The following MERTK variants were observed in gnomAD, a reference collection of about 807,000 sequenced individuals.
The protein encoded by MERTK is tyrosine-protein kinase Mer.
In MERTK, 69 loss-of-function variants were observed where a neutral mutation model predicts 99.3. That is an observed-to-expected ratio of 0.70 (90% CI 0.57 to 0.85). The LOEUF (loss-of-function observed/expected upper bound fraction) is 0.85. Among genes scored for constraint, MERTK ranks in the 40% least tolerant of loss-of-function variants. MERTK has a pLI of 0.00. For missense variants in MERTK, 1,125 were observed against 1,249.4 expected, an observed-to-expected ratio of 0.90 and a Z score of 1.50; for synonymous variants, 426 against 467.6, an observed-to-expected ratio of 0.91 and a Z score of 1.15.
At chr2:111,901,972 G>T (rs1347586389) in intron 1 of MERTK, among the ~76,000 whole-genome samples, 1 of 151,988 alleles carries the variant, frequency 6.6e-6, no homozygotes, top group Non-Finnish European at 1.5e-5. Flanking sequence ...GCAACTTCCC[G>T]CCTCCCGGGT....
intron 9 of MERTK, 190 bp from the exon 10 acceptor site, chr2:111,997,133 C>G: frequency 2.6e-6 from 2 of 767,992 alleles, no homozygotes; most frequent in Middle Eastern, 3.5e-4. Flanking sequence ...GTAAATCAAG[C>G]TAGTTTCCCA....
chr2:111,978,501 G>C (rs919705201), intron 7 of MERTK, among the ~76,000 whole-genome samples: 4 of 151,980 alleles, frequency 2.6e-5, no homozygotes, highest in Non-Finnish European at 1.5e-5. Context: ...TCACTATTTT[G>C]CCCAGGCTGC....
chr2:111,916,699 G>T (rs1684357344), intron 1 of MERTK, among the ~76,000 whole-genome samples: 1 of 152,010 alleles, frequency 6.6e-6, no homozygotes. Flanking sequence ...CAGAAGATTT[G>T]TCATTTTGAT....
intron 1 of MERTK, among the ~76,000 whole-genome samples, chr2:111,915,474 T>G (rs1365305476): frequency 6.6e-6 from 1 of 152,166 alleles, no homozygotes; most frequent in African/African-American, 2.4e-5. Flanking sequence ...TTTTCCTCTA[T>G]TTTAATACTA....
chr2:112,023,387 C>T (rs907685412), intron 18 of MERTK, among the ~76,000 whole-genome samples: 1 of 152,010 alleles, frequency 6.6e-6, no homozygotes, highest in African/African-American at 2.4e-5. Flanking sequence ...GCACTCCAGC[C>T]TGGGCGGCAG....
At chr2:111,997,819 A>G (rs1178541666) in intron 10 of MERTK, among the ~76,000 whole-genome samples, 1 of 152,232 alleles carries the variant, frequency 6.6e-6, no homozygotes, top group Non-Finnish European at 1.5e-5. Context: ...TGGGAGGCCA[A>G]GGCAGGCGGA....
At chr2:111,966,855 C>T (rs1685367311) in intron 5 of MERTK, among the ~76,000 whole-genome samples, 1 of 152,170 alleles carries the variant, frequency 6.6e-6, no homozygotes, top group African/African-American at 2.4e-5. Context: ...GCCCCCAGGG[C>T]ACGCTTGATA....
At chr2:112,028,166 A>G in intron 18 of MERTK, 185 bp from the exon 19 acceptor site, 1 of 668,092 alleles carries the variant, frequency 1.5e-6, no homozygotes, top group South Asian at 1.9e-5. Flanking sequence ...TTTTTGTCAA[A>G]TACCATGGAA....
chr2:111,917,193 G>T (rs767862460), intron 1 of MERTK, among the ~76,000 whole-genome samples: 6 of 152,170 alleles, frequency 3.9e-5, no homozygotes, highest in Non-Finnish European at 7.3e-5. Flanking sequence ...GCTGGGTGGG[G>T]ATGGAAGGCC....
At chr2:111,940,141 A>C (rs1162353956) in intron 2 of MERTK, among the ~76,000 whole-genome samples, 1 of 151,916 alleles carries the variant, frequency 6.6e-6, no homozygotes, top group Non-Finnish European at 1.5e-5. Flanking sequence ...AACTTTATTA[A>C]AGAAAAAAGT....
At position 112,003,983 on chromosome 2, in the gene MERTK, G is replaced by C. The variant is rs775460185; in HGVS notation, c.1866G>C (p.Lys622Asn). 1.9e-6 allele frequency: 3 copies of C among 1,611,304 alleles called. No homozygotes were observed. The highest frequency in any genetic ancestry group is 2.5e-6 in the Non-Finnish European group (3 of 1,177,578). ...TSLKVAVKTM[K>N]LDNSSQREIE... is the part of the protein sequence containing the mutation. Reference sequence around the variant, plus strand: ...TGAAAGTGGCAGTGAAGACCATGAAGTGTGAGTTATCAGTGATGAATCCCA... The same window carrying C: ...TGAAAGTGGCAGTGAAGACCATGAACTGTGAGTTATCAGTGATGAATCCCA... The change falls in exon 13 of 19, where the codon AAG (lysine) becomes AAC (asparagine). Residue 622 changes from lysine to asparagine, a missense_variant and splice_region_variant. Coordinates refer to ENST00000295408, the MANE Select transcript of MERTK (RefSeq NM_006343.3).
At chr2:111,914,109 T>TTC (rs1684304400) in intron 1 of MERTK, among the ~76,000 whole-genome samples, 136 of 95,602 alleles carry the variant, frequency 1.4e-3, no homozygotes, top group African/African-American at 4.1e-3. Context: ...TTCTTTTTTT[T>TTC]TTTTTTTTTT....
chr2:111,920,979 C>T (rs1332787766), intron 1 of MERTK, among the ~76,000 whole-genome samples: 2 of 151,540 alleles, frequency 1.3e-5, no homozygotes, highest in African/African-American at 2.4e-5. Context: ...AATCAGGAAT[C>T]CTTTGGGTAT....
At chr2:112,009,912 G>T (rs2104412937) in intron 14 of MERTK, 36 bp from the exon 15 acceptor site, 2 of 1,476,950 alleles carry the variant, frequency 1.4e-6, no homozygotes, top group South Asian at 1.1e-5. Context: ...CAGTAACAAG[G>T]ACTCTTTGTA....
intron 1 of MERTK, among the ~76,000 whole-genome samples, chr2:111,899,066 C>G (rs1033332972): frequency 2.0e-5 from 3 of 152,212 alleles, no homozygotes; most frequent in Admixed American, 6.5e-5. Flanking sequence ...GCAGGCTCCC[C>G]TCTTCACCGC....
chr2:111,898,709 G>C lies in MERTK; in HGVS notation c.-27G>C. The C allele has an allele frequency of 6.2e-7, 1 of 1,603,354 alleles. No individual in the cohort carries two copies. Among genetic ancestry groups the C allele is most frequent in the South Asian group, 1.1e-5 (1 of 89,392 alleles). On this transcript the variant is annotated 5_prime_UTR_variant, in exon 1 of 19. Transcript: ENST00000295408. ...ACGTCCATCTGTCCATCCGTCCGGAGAGAAATTACAGATCCGCAGCCCCGG... is the reference window on the plus strand; with the variant it reads ...ACGTCCATCTGTCCATCCGTCCGGACAGAAATTACAGATCCGCAGCCCCGG...
intron 8 of MERTK, among the ~76,000 whole-genome samples, chr2:111,992,506 A>G (rs1676643434): frequency 6.6e-6 from 1 of 152,050 alleles, no homozygotes; most frequent in South Asian, 2.1e-4. Flanking sequence ...TAATCCCAGC[A>G]CTTTGGGAGG....
intron 16 of MERTK, chr2:112,020,686 G>A (rs1677323433): frequency 4.2e-6 from 2 of 470,930 alleles, no homozygotes; most frequent in Non-Finnish European, 8.8e-6. Context: ...ACTCTCAGGG[G>A]GCTTACTTAG....
At position 111,982,970 on chromosome 2, in the gene MERTK, G is replaced by A. The variant is rs751150587; in HGVS notation, c.1273G>A (p.Val425Met). 25 of 1,614,116 alleles carry A rather than the reference G, an allele frequency of 1.5e-5. No individual in the cohort carries two copies. The highest frequency in any genetic ancestry group is 4.5e-5 in the East Asian group (2 of 44,874). ...GELVGYRISH[V>M]WQSAGISKEL... is the part of the protein sequence containing the mutation. ...ACTGGTGGGCTACCGGATATCCCAC[G>A]TGTGGCAGAGTGCAGGGATTTCCGT... The change falls in exon 8 of 19, where the codon GTG becomes ATG. Residue 425 changes from valine to methionine, a missense_variant. By Grantham distance (21) the Val-to-Met change is conservative. Transcript: ENST00000295408.
Sources: gnomAD v4.1 joint callset for allele counts (sites outside exome capture counted in the v4.1 genomes callset) on GRCh38, gnomAD v4.1.1 for gene constraint, MANE v1.5 for transcripts, NCBI Gene and HGNC (gene_info 2026-07-23, HGNC 2026-07-21) for gene names.